C2orf42: variants seen among roughly 807,000 people sequenced by gnomAD.
C2orf42 encodes uncharacterized protein C2orf42.
In C2orf42, 44 loss-of-function variants were observed where a neutral mutation model predicts 58.9. That is an observed-to-expected ratio of 0.75 (90% confidence interval 0.59 to 0.96). The LOEUF (loss-of-function observed/expected upper bound fraction) is 0.96. Ranked by LOEUF, C2orf42 falls within the 40% of genes least tolerant of loss-of-function variation. The probability of loss-of-function intolerance (pLI) is 0.00; values close to 1 mark genes in which losing one functional copy is unlikely to be tolerated. For missense variants in C2orf42, 630 were observed against 699.2 expected (o/e 0.90, Z 1.12); for synonymous variants, 239 against 265.4 (o/e 0.90, Z 0.97).
intron 5 of C2orf42, among the ~76,000 whole-genome samples, chr2:70,172,279 C>G (rs571699892): frequency 2.0e-5 from 3 of 150,364 alleles, no homozygotes; most frequent in African/African-American, 7.3e-5. Context: ...CACTGAGTGA[C>G]GAGGGTCCAT....
At chr2:70,187,440 A>T (rs1675021086) in intron 1 of C2orf42, among the ~76,000 whole-genome samples, 3 of 151,808 alleles carry the variant, frequency 2.0e-5, no homozygotes, top group Non-Finnish European at 4.4e-5. Flanking sequence ...TTTAGTAGAG[A>T]CAGGGTTTCA....
intron 3 of C2orf42, 142 bp from the exon 4 acceptor site, chr2:70,179,784 A>T (rs4853373): frequency 0.37 from 155,690 of 419,928 alleles, 34,327 homozygotes; most frequent in African/African-American, 0.77. Flanking sequence ...GCAGACCCCA[A>T]CTCTACAAAA....
At chr2:70,173,113 C>T (rs1673940749) in intron 5 of C2orf42, among the ~76,000 whole-genome samples, 2 of 151,832 alleles carry the variant, frequency 1.3e-5, no homozygotes, top group African/African-American at 2.4e-5. Flanking sequence ...GCTGAGATCA[C>T]GCCATTGCAC....
chr2:70,173,606 T>C (rs768808142), intron 5 of C2orf42, among the ~76,000 whole-genome samples: 85 of 151,888 alleles, frequency 5.6e-4, no homozygotes, highest in Non-Finnish European at 1.0e-3. Flanking sequence ...ATTACTTAAT[T>C]AGTATTGTTT....
chr2:70,175,633 T>C (rs1490722235), intron 5 of C2orf42, 40 bp downstream of exon 5: 2 of 1,184,520 alleles, frequency 1.7e-6, no homozygotes, highest in Non-Finnish European at 2.5e-6. Context: ...TTAGGATGAC[T>C]TTCCACCACT....
intron 1 of C2orf42, among the ~76,000 whole-genome samples, chr2:70,184,480 T>A (rs1674792174): frequency 3.0e-5 from 1 of 33,124 alleles, no homozygotes; most frequent in East Asian, 2.2e-3. Flanking sequence ...CCTGGCCCTA[T>A]TTTTTTTTTT....
At chr2:70,158,925 C>T (rs1249852213) in intron 9 of C2orf42, among the ~76,000 whole-genome samples, 3 of 98,024 alleles carry the variant, frequency 3.1e-5, no homozygotes, top group African/African-American at 8.2e-5. Flanking sequence ...TTTTTTGAGA[C>T]GGAGTCTTGC....
At chr2:70,180,879 G>A (rs1674512388) in intron 3 of C2orf42, among the ~76,000 whole-genome samples, 2 of 151,304 alleles carry the variant, frequency 1.3e-5, no homozygotes. Context: ...GCACGTGCCT[G>A]TGGTCCTAGC....
At chr2:70,184,240 T>A (rs1437921670) in intron 1 of C2orf42, among the ~76,000 whole-genome samples, 1 of 151,848 alleles carries the variant, frequency 6.6e-6, no homozygotes, top group African/African-American at 2.4e-5. Context: ...GAAAAAAAAA[T>A]TGTTTTGAGA....
chr2:70,161,885 C>A (rs1309058871), intron 8 of C2orf42, among the ~76,000 whole-genome samples: 4 of 151,668 alleles, frequency 2.6e-5, no homozygotes, highest in African/African-American at 9.7e-5. Flanking sequence ...TTGGTTGCCC[C>A]TGCTGGAGTA....
intron 7 of C2orf42, 85 bp downstream of exon 7, chr2:70,165,443 C>A (rs1218382573): frequency 1.1e-5 from 9 of 801,426 alleles, no homozygotes; most frequent in Admixed American, 8.1e-5. Flanking sequence ...TGAATACTCA[C>A]GGTGAATATT....
At chr2:70,178,801 C>T (rs1674358454) in intron 4 of C2orf42, among the ~76,000 whole-genome samples, 2 of 151,554 alleles carry the variant, frequency 1.3e-5, no homozygotes. Flanking sequence ...TGGGCGTGCA[C>T]CCTTAGTCCC....
intron 4 of C2orf42, among the ~76,000 whole-genome samples, chr2:70,177,252 A>G (rs1674253381): frequency 6.6e-6 from 1 of 151,138 alleles, no homozygotes; most frequent in Admixed American, 6.6e-5. Flanking sequence ...AGCCTGGGAA[A>G]CAAGAGCCGA....
intron 4 of C2orf42, among the ~76,000 whole-genome samples, chr2:70,176,174 C>T (rs181997893): frequency 4.6e-4 from 70 of 152,296 alleles, no homozygotes; most frequent in Admixed American, 2.0e-3. Context: ...AGATAAACAA[C>T]AAATAATGTC....
chr2:70,189,546 T>C (rs1203508073), intron 1 of C2orf42, among the ~76,000 whole-genome samples: 1 of 145,020 alleles, frequency 6.9e-6, no homozygotes, highest in East Asian at 2.1e-4. Context: ...TGAAACCCTG[T>C]CTCTACTAAA....
intron 1 of C2orf42, among the ~76,000 whole-genome samples, chr2:70,189,131 G>A (rs1184353174): frequency 6.6e-6 from 1 of 152,106 alleles, no homozygotes; most frequent in East Asian, 1.9e-4. Flanking sequence ...GGCATGGCCG[G>A]GCACGGTGGC....
At chr2:70,179,486 CA>C (rs754515766) in intron 4 of C2orf42, 45 bp downstream of exon 4, 1 of 674,522 alleles carries the variant, frequency 1.5e-6, no homozygotes, top group East Asian at 2.6e-5. Context: ...CGCAGTAAAA[CA>C]ATCTCTAAAG....
At chr2:70,190,093 A>G (rs565122676) in intron 1 of C2orf42, 2 of 152,388 alleles carry the variant, frequency 1.3e-5, no homozygotes, top group East Asian at 3.9e-4. Flanking sequence ...TTTGAATTTT[A>G]AAACATGTAC....
chr2:70,186,189 C>T (rs1405983060), intron 1 of C2orf42, among the ~76,000 whole-genome samples: 2 of 151,900 alleles, frequency 1.3e-5, no homozygotes, highest in East Asian at 1.9e-4. Flanking sequence ...AAAGTCAAAA[C>T]ATGAAGGATC....
Sources: gnomAD v4.1 joint callset for allele counts (sites outside exome capture counted in the v4.1 genomes callset) on GRCh38, gnomAD v4.1.1 for gene constraint, MANE v1.5 for transcripts, NCBI Gene and HGNC (gene_info 2026-07-23, HGNC 2026-07-21) for gene names.